CSAD: variants seen among roughly 807,000 people sequenced by gnomAD.
The protein encoded by CSAD is P-selectin cytoplasmic tail-associated protein.
In CSAD, 47 loss-of-function variants were observed where a neutral mutation model predicts 61.5. That is an observed-to-expected ratio of 0.76 (90% CI 0.60 to 0.97). The LOEUF is 0.97. Among genes scored for constraint, CSAD ranks in the 50% least tolerant of loss-of-function variants. The pLI, the probability that CSAD is intolerant of heterozygous loss-of-function variation, is 0.00. For synonymous variants in CSAD, 245 were observed against 252.7 expected (o/e 0.97, Z 0.29); for missense variants, 611 against 643.6 (o/e 0.95, Z 0.55).
At chr12:53,171,242 A>G in intron 8 of CSAD, 84 bp downstream of exon 8, 2 of 1,597,828 alleles carry the variant, frequency 1.3e-6, no homozygotes, top group Non-Finnish European at 1.7e-6. Context: ...TAGGGAGGGC[A>G]GGGAGAAGAC....
At chr12:53,178,613 G>A (rs946433224) in intron 2 of CSAD, among the ~76,000 whole-genome samples, 1 of 152,104 alleles carries the variant, frequency 6.6e-6, no homozygotes, top group Non-Finnish European at 1.5e-5. Flanking sequence ...CCAACATGGT[G>A]AAACTCCATC....
At chr12:53,177,298 G>A (rs1230837760) in intron 2 of CSAD, among the ~76,000 whole-genome samples, 2 of 152,108 alleles carry the variant, frequency 1.3e-5, no homozygotes, top group Non-Finnish European at 2.9e-5. Flanking sequence ...AGCAAAGACA[G>A]AAATGTTTCA....
At chr12:53,174,890 T>C (rs1565676584) in intron 2 of CSAD, among the ~76,000 whole-genome samples, 1 of 152,176 alleles carries the variant, frequency 6.6e-6, no homozygotes, top group African/African-American at 2.4e-5. Flanking sequence ...TCATGTGGTT[T>C]CCCAACTCCT....
intron 10 of CSAD, chr12:53,164,461 C>T (rs1939657379): frequency 5.8e-6 from 1 of 173,454 alleles, no homozygotes; most frequent in Non-Finnish European, 1.3e-5. Context: ...GGCCAGTATC[C>T]TAAGTGAGTT....
chr12:53,172,173 G>A (rs1311678103), intron 6 of CSAD, among the ~76,000 whole-genome samples, 173 bp downstream of exon 6: 2 of 152,158 alleles, frequency 1.3e-5, no homozygotes, highest in Admixed American at 6.5e-5. Context: ...CAGGAGGCCT[G>A]AGAAAGTTTG....
rs372801852 is a variant in CSAD, at chr12:53,164,582, G to A, written c.703-3193C>T. Reference sequence around the variant, plus strand: ...AAAGACAGTGGGGACTATAAGAAGCGGGAGGGAGGGGAGAAAAGGTTGAAA... The same window carrying A: ...AAAGACAGTGGGGACTATAAGAAGCAGGAGGGAGGGGAGAAAAGGTTGAAA... On this transcript the variant is annotated intron_variant, in intron 10 of 16. Transcript: ENST00000444623. 1.5e-3 allele frequency: 224 copies of A among 154,244 alleles called. 5 individuals carry two copies. The South Asian group carries it at 0.043, about 29-fold the overall frequency. The allele number at this position is 154,244 out of a possible 1,614,324, so 9.6% of individuals were successfully genotyped here.
chr12:53,173,075 G>A (rs776372073), intron 4 of CSAD, among the ~76,000 whole-genome samples: 23 of 152,132 alleles, frequency 1.5e-4, no homozygotes, highest in Admixed American at 6.5e-5. Flanking sequence ...GGGCGTGGTG[G>A]CACATGCCTG....
In CSAD at chr12:53,157,814, A is replaced by G. The variant is rs142600486; in HGVS notation, c.*697T>C. 125 of 152,254 alleles carry G rather than the reference A, an allele frequency of 8.2e-4. 1 individual carries two copies. The highest frequency in any genetic ancestry group is 2.8e-3 in the African/African-American group (118 of 41,528). 9.4% of individuals were successfully genotyped at this position (152,254 alleles called of 1,614,324 possible). Reference sequence around the variant, plus strand: ...AAAGGAGTCTGTTTTAAAATTGCCTATTATCCTATTCCAGGGAAAACTATT... The same window carrying G: ...AAAGGAGTCTGTTTTAAAATTGCCTGTTATCCTATTCCAGGGAAAACTATT... On this transcript the variant is annotated 3_prime_UTR_variant, in exon 17 of 17. Transcript: ENST00000444623.
At chr12:53,177,581 G>A (rs1015308500) in intron 2 of CSAD, among the ~76,000 whole-genome samples, 1 of 152,122 alleles carries the variant, frequency 6.6e-6, no homozygotes, top group African/African-American at 2.4e-5. Context: ...TTGAGCTCAC[G>A]AGTTGGAAAC....
chr12:53,160,275 G>C lies in CSAD; in HGVS notation c.1011C>G (p.Phe337Leu), dbSNP rs565928873. 10 of 1,614,218 alleles carry C rather than the reference G, an allele frequency of 6.2e-6. No homozygotes were observed. The African/African-American group carries it at 1.1e-4, about 17-fold the overall frequency. Residue 337 changes from phenylalanine (F) to leucine (L), a missense_variant, in exon 14 of 17, where the codon TTC becomes TTG. Phe to Leu is a conservative substitution (Grantham distance 22, BLOSUM62 0). Coordinates refer to ENST00000444623, the MANE Select transcript of CSAD (RefSeq NM_001244705.2). ...RCHGSQASYL[F>L]QQDKFYDVAL... ...CCACATCGTAGAACTTGTCCTGCTGGAAAAGGTAGCTGGCCTGGGACCCAT... is the reference window on the plus strand; with the variant it reads ...CCACATCGTAGAACTTGTCCTGCTGCAAAAGGTAGCTGGCCTGGGACCCAT...
At chr12:53,180,276 G>C (rs2121525821) in intron 1 of CSAD, 1 of 985,458 alleles carries the variant, frequency 1.0e-6, no homozygotes, top group African/African-American at 1.7e-5. Flanking sequence ...CCTCGGCCGA[G>C]TTACGTGAAA....
chr12:53,161,106 G>C (rs536237769), intron 12 of CSAD, 21 bp downstream of exon 12: 1 of 1,611,782 alleles, frequency 6.2e-7, no homozygotes, highest in South Asian at 1.1e-5. Context: ...CGGGATTTGG[G>C]AAGAAGGGGA....
At chr12:53,159,053 A>G (rs1297734503) in intron 16 of CSAD, among the ~76,000 whole-genome samples, 2 of 152,056 alleles carry the variant, frequency 1.3e-5, no homozygotes, top group South Asian at 2.1e-4. Context: ...TTCCTGTAAT[A>G]TTTTTGATAA....
At chr12:53,181,324 C>T (rs535961675), upstream of CSAD, 1 of 985,452 alleles carries the variant, frequency 1.0e-6, no homozygotes, top group Non-Finnish European at 1.2e-6. Flanking sequence ...CTTTCCTCCA[C>T]CCTAGTCTTG....
Position 53,180,815 on chromosome 12 carries a change from C to T in CSAD, c.-174G>A. ...AGGAGGCGCCGCGCGGCCAGGGAGC[C>T]AGCGGGAGGCCGCGCCTGGCAGGTA... On this transcript the variant is annotated 5_prime_UTR_variant, in exon 1 of 17. Transcript: ENST00000444623. 2 of 1,271,570 alleles carry T rather than the reference C, an allele frequency of 1.6e-6. No individual in the cohort carries two copies. The highest frequency in any genetic ancestry group is 6.5e-5 in the East Asian group (1 of 15,436). 78.8% of individuals were successfully genotyped at this position (1,271,570 alleles called of 1,614,324 possible).
Position 53,170,086 on chromosome 12 carries a change from T to C in CSAD, c.688A>G (p.Met230Val). The C allele has an allele frequency of 6.2e-6, 10 of 1,614,094 alleles. No individual in the cohort carries two copies. Among genetic ancestry groups the C allele is most frequent in the Non-Finnish European group, 8.5e-6 (10 of 1,179,994 alleles). The change falls in exon 10 of 17, where the codon ATG becomes GTG. Residue 230 changes from methionine to valine, a missense_variant. Transcript: ENST00000444623. ...VPEDLERQIG[M>V]AEAEGAVPFL... is the part of the protein sequence containing the mutation. ...CACTGACTCACCTCAGCCTCGGCCA[T>C]ACCAATCTGCCTCTCCAGATCCTCG...
chr12:53,179,887 AAG>A, intron 1 of CSAD: 3 of 1,611,168 alleles, frequency 1.9e-6, no homozygotes, highest in Non-Finnish European at 2.5e-6. Context: ...GAAGAATTTG[AAG>A]ACAGTCTGGT....
intron 15 of CSAD, 64 bp from the exon 16 acceptor site, chr12:53,159,776 C>T: frequency 3.3e-6 from 5 of 1,523,790 alleles, no homozygotes; most frequent in Non-Finnish European, 4.5e-6. Context: ...CCTCTCCCTG[C>T]CCCTTTCCCC....
At chr12:53,165,400 C>G (rs7977607) in intron 10 of CSAD, among the ~76,000 whole-genome samples, 4,184 of 150,334 alleles carry the variant, frequency 0.028, 188 homozygotes, top group African/African-American at 0.097. Context: ...GTGGCTCACG[C>G]CTGTGATCCC....
Sources: allele counts gnomAD v4.1 joint callset (sites outside exome capture counted in the v4.1 genomes callset), GRCh38; gene constraint gnomAD v4.1.1; transcripts MANE v1.5; gene names NCBI Gene and HGNC (gene_info 2026-07-23, HGNC 2026-07-21).